The following PLEKHA1 variants were observed in gnomAD, a reference collection of about 807,000 sequenced individuals.
PLEKHA1 encodes the protein pleckstrin homology domain-containing family A member 1.
In PLEKHA1, 34 loss-of-function variants were observed where a neutral mutation model predicts 52.0. The ratio of observed to expected loss-of-function variants is 0.65; its 90% CI spans 0.50 to 0.87. The LOEUF (loss-of-function observed/expected upper bound fraction) is 0.87. Among genes scored for constraint, PLEKHA1 ranks in the 40% least tolerant of loss-of-function variants. The pLI, the probability that PLEKHA1 is intolerant of heterozygous loss-of-function variation, is 0.00. For synonymous variants in PLEKHA1, 163 were observed against 170.7 expected, an observed-to-expected ratio of 0.95 and a Z score of 0.35; for missense variants, 497 against 504.2, an observed-to-expected ratio of 0.99 and a Z score of 0.14.
intron 6 of PLEKHA1, among the ~76,000 whole-genome samples, chr10:122,414,755 T>C (rs994740006): frequency 2.0e-5 from 3 of 152,134 alleles, no homozygotes; most frequent in Non-Finnish European, 2.9e-5. Context: ...AAAAGATCAC[T>C]GCACACCTCT....
At chr10:122,441,784 T>C in the PLEKHA1 span, 37 of 152,224 alleles carry the variant, frequency 2.4e-4, no homozygotes, top group Admixed American at 2.4e-3. Context: ...TTACCACATA[T>C]AAACACCAAC....
chr10:122,404,555 T>C (rs755592047), intron 4 of PLEKHA1, among the ~76,000 whole-genome samples: 1 of 152,196 alleles, frequency 6.6e-6, no homozygotes, highest in Non-Finnish European at 1.5e-5. Flanking sequence ...CAGCCTAAGC[T>C]GAAAAAAGAT....
intron 4 of PLEKHA1, among the ~76,000 whole-genome samples, chr10:122,401,498 G>A (rs1449063465): frequency 7.8e-6 from 1 of 128,208 alleles, no homozygotes; most frequent in African/African-American, 2.6e-5. Flanking sequence ...TGGGGGAATT[G>A]GAGGGAAGAG....
chr10:122,424,173 T>TTG lies in PLEKHA1; in HGVS notation c.682-25_682-24insGT, dbSNP rs5788554. The TTG allele has an allele frequency of 3.1e-3, 3,037 of 992,060 alleles. 11 individuals carry two copies. Among genetic ancestry groups the TTG allele is most frequent in the Admixed American group, 4.7e-3 (118 of 25,240 alleles). 61.5% of individuals were successfully genotyped at this position (992,060 alleles called of 1,614,324 possible). The stretch of plus-strand genomic sequence containing the variant: ...TTAAGAATAAACATCATGTAACTGT[T>TTG]TTTTTTTTTTTTTTTTTTTTGCCAG... On this transcript the variant is annotated intron_variant, in intron 8 of 11. Coordinates refer to ENST00000368990, the MANE Select transcript of PLEKHA1 (RefSeq NM_001001974.4).
chr10:122,381,260 G>A (rs185650644), intron 1 of PLEKHA1, among the ~76,000 whole-genome samples: 1 of 152,268 alleles, frequency 6.6e-6, no homozygotes, highest in African/African-American at 2.4e-5. Flanking sequence ...GTGGTGAGAA[G>A]TAGGATTCTG....
intron 10 of PLEKHA1, among the ~76,000 whole-genome samples, chr10:122,426,294 T>C (rs2097338107): frequency 2.6e-5 from 4 of 152,046 alleles, no homozygotes; most frequent in Admixed American, 2.0e-4. Context: ...ACTTGTATTT[T>C]TTTTTTTTTT....
chr10:122,407,000 A>G (rs2097026829), intron 5 of PLEKHA1, among the ~76,000 whole-genome samples: 1 of 152,202 alleles, frequency 6.6e-6, no homozygotes, highest in African/African-American at 2.4e-5. Flanking sequence ...CTTCCAATAT[A>G]GTGTAAGAGA....
At chr10:122,391,951 T>C (rs2096781844) in intron 1 of PLEKHA1, among the ~76,000 whole-genome samples, 2 of 152,190 alleles carry the variant, frequency 1.3e-5, no homozygotes, top group African/African-American at 2.4e-5. Context: ...ATTTTCACTG[T>C]AAGTTAAATT....
At chr10:122,434,574 TA>T (rs1324070947), downstream of PLEKHA1, 2 of 151,842 alleles carry the variant, frequency 1.3e-5, no homozygotes, top group Admixed American at 6.6e-5. Flanking sequence ...CTTTGAAAAG[TA>T]TTTTTTTTAT....
intron 2 of PLEKHA1, among the ~76,000 whole-genome samples, chr10:122,397,088 A>G (rs1166996288): frequency 6.6e-6 from 1 of 152,070 alleles, no homozygotes; most frequent in Non-Finnish European, 1.5e-5. Context: ...AGGACACTGC[A>G]TTACAGCCCC....
chr10:122,385,543 C>T (rs2096679910), intron 1 of PLEKHA1, among the ~76,000 whole-genome samples: 2 of 152,038 alleles, frequency 1.3e-5, no homozygotes, highest in Admixed American at 6.5e-5. Context: ...CTTGAACTCC[C>T]AACCTCAGGT....
intron 1 of PLEKHA1, among the ~76,000 whole-genome samples, chr10:122,379,685 AT>A (rs1416223560): frequency 6.6e-5 from 10 of 152,122 alleles, no homozygotes; most frequent in Non-Finnish European, 1.0e-4. Context: ...GACTCTACAG[AT>A]ATTTGATCCT....
intron 3 of PLEKHA1, 105 bp downstream of exon 3, chr10:122,398,079 T>A: frequency 1.2e-6 from 1 of 858,968 alleles, no homozygotes; most frequent in South Asian, 1.8e-5. Flanking sequence ...ACAGTGATGT[T>A]CAGATTCCTA....
At chr10:122,406,442 C>T (rs2097016476) in intron 4 of PLEKHA1, 134 bp from the exon 5 acceptor site, 5 of 699,080 alleles carry the variant, frequency 7.2e-6, no homozygotes, top group Admixed American at 2.5e-5. Context: ...AGCTGTATTA[C>T]ATGTGGTCTG....
chr10:122,385,531 G>A (rs993414810), intron 1 of PLEKHA1, among the ~76,000 whole-genome samples: 3 of 152,106 alleles, frequency 2.0e-5, no homozygotes, highest in Admixed American at 1.3e-4. Context: ...GGTCAGGCTG[G>A]TCTTGAACTC....
chr10:122,440,815 AG>A, the PLEKHA1 span: 2 of 152,234 alleles, frequency 1.3e-5, no homozygotes, highest in African/African-American at 4.8e-5. Flanking sequence ...AAATAAGACA[AG>A]CAAAATGCAA....
rs2097419450 is a variant in PLEKHA1 at position 122,431,853 on chromosome 10, T to C, written c.*1915T>C. 6.6e-6 allele frequency: 1 copy of C among 152,266 alleles called. No homozygotes were observed. The highest frequency in any genetic ancestry group is 6.5e-5 in the Admixed American group (1 of 15,286). The allele number at this position is 152,266 out of a possible 1,614,324, so 9.4% of individuals were successfully genotyped here. ...TTAATGGCTTTTTTGAAAGTTCCTT[T>C]TTCATGAACACACCCGAGAAATCTT... On this transcript the variant is annotated 3_prime_UTR_variant, in exon 12 of 12. Transcript: ENST00000368990.
At chr10:122,425,713 C>CAAAAA (rs11367637) in intron 10 of PLEKHA1, 1 of 99,308 alleles carries the variant, frequency 1.0e-5, no homozygotes, top group African/African-American at 3.9e-5. Context: ...GACCCTGTCT[C>CAAAAA]AAAAAAAAAA....
At position 122,424,171 on chromosome 10, in the gene PLEKHA1, GTTTTTTTTTTTTT is replaced by G; in HGVS notation, c.682-18_682-6del. The G allele has an allele frequency of 3.1e-6, 3 of 953,376 alleles. No individual in the cohort carries two copies. The highest frequency in any genetic ancestry group is 4.2e-6 in the Non-Finnish European group (3 of 719,526). The allele number at this position is 953,376 out of a possible 1,614,324, so 59.1% of individuals were successfully genotyped here. On this transcript the variant is annotated splice_polypyrimidine_tract_variant and intron_variant, in intron 8 of 11. Transcript: ENST00000368990. ...TTTTAAGAATAAACATCATGTAACT[GTTTTTTTTTTTTT>G]TTTTTTTTTGCCAGGAAAAGGAACC...
Sources: allele counts gnomAD v4.1 joint callset (sites outside exome capture counted in the v4.1 genomes callset), GRCh38; gene constraint gnomAD v4.1.1; transcripts MANE v1.5; gene names NCBI Gene and HGNC (gene_info 2026-07-23, HGNC 2026-07-21).